The following ANKFN1 variants were observed in gnomAD, a reference collection of about 807,000 sequenced individuals.
ANKFN1 encodes the protein ankyrin repeat and fibronectin type III domain containing 1, also known as ankyrin repeat and fibronectin type-III domain-containing protein 1.
ANKFN1 carries 74 observed loss-of-function variants against 108.7 expected under a neutral mutation model. That is an observed-to-expected ratio of 0.68 (90% CI 0.56 to 0.83). The LOEUF (loss-of-function observed/expected upper bound fraction) is 0.83, where lower values mean the gene tolerates loss of function less well. Ranked by LOEUF, ANKFN1 falls within the 40% of genes least tolerant of loss-of-function variation. ANKFN1 has a pLI of 0.00. For synonymous variants in ANKFN1, 547 were observed against 516.2 expected (o/e 1.06, Z -0.81); for missense variants, 1,505 against 1,382.3 (o/e 1.09, Z -1.41).
chr17:56,093,974 C>G lies in ANKFN1; in HGVS notation c.288+47649C>G, dbSNP rs1905469044. Among the ~76,000 whole-genome samples, 5 of 151,382 alleles carry G rather than the reference C, an allele frequency of 3.3e-5. 1 individual carries two copies. In the South Asian group the frequency reaches 1.0e-3, roughly 32 times the overall value. On this transcript the variant is annotated intron_variant, in intron 4 of 12. Coordinates refer to the ANKFN1 transcript ENST00000635860. ...GTGAAGTAATCGGGTAAGTCCTCAT[C>G]CATTATAATTTCTGTCCTTATAAAA... is the stretch of plus-strand genomic sequence containing the variant.
At chr17:56,062,559 C>CTTTTTTTTTTTTTTTTTTT (rs3085080) in intron 4 of ANKFN1, among the ~76,000 whole-genome samples, 8 of 134,504 alleles carry the variant, frequency 5.9e-5, no homozygotes, top group African/African-American at 2.4e-4. Context: ...GTAATCTCTG[C>CTTTTTTTTTTTTTTTTTTT]TTTTTTTTTT....
intron 9 of ANKFN1, among the ~76,000 whole-genome samples, 163 bp downstream of exon 9, chr17:56,440,587 C>G (rs1335808979): frequency 6.6e-6 from 1 of 152,184 alleles, no homozygotes; most frequent in Non-Finnish European, 1.5e-5. Context: ...CTGAATTTCA[C>G]AAAGGAGTAA....
chr17:56,253,594 A>G (rs1324937921), intron 3 of ANKFN1, among the ~76,000 whole-genome samples: 1 of 152,116 alleles, frequency 6.6e-6, no homozygotes, highest in Non-Finnish European at 1.5e-5. Context: ...AAAAATTAGC[A>G]GGGCATGGTG....
At chr17:56,411,871 G>C (rs2144997193) in intron 8 of ANKFN1, among the ~76,000 whole-genome samples, 1 of 152,246 alleles carries the variant, frequency 6.6e-6, no homozygotes, top group Non-Finnish European at 1.5e-5. Context: ...TTTATAGTGT[G>C]CTGTTGAATT....
At chr17:56,121,231 A>G (rs1322861998) in intron 4 of ANKFN1, among the ~76,000 whole-genome samples, 1 of 151,150 alleles carries the variant, frequency 6.6e-6, no homozygotes, top group Non-Finnish European at 1.5e-5. Flanking sequence ...GGTGTCGCCC[A>G]GGAGTTGTTC....
chr17:56,338,731 T>C (rs1247707069), intron 4 of ANKFN1, among the ~76,000 whole-genome samples: 1 of 152,048 alleles, frequency 6.6e-6, no homozygotes, highest in East Asian at 1.9e-4. Flanking sequence ...GATTACATGA[T>C]GTATTATTCA....
chr17:56,494,584 A>AAAG (rs1473901360), intron 19 of ANKFN1, among the ~76,000 whole-genome samples: 1 of 152,050 alleles, frequency 6.6e-6, no homozygotes, highest in Admixed American at 6.6e-5. Flanking sequence ...TAAAAAATAA[A>AAAG]AAGAAGTCAA....
At chr17:56,447,039 A>G (rs1157521618) in intron 10 of ANKFN1, among the ~76,000 whole-genome samples, 1 of 152,146 alleles carries the variant, frequency 6.6e-6, no homozygotes, top group Non-Finnish European at 1.5e-5. Flanking sequence ...CCTGGCCAGC[A>G]TGGTGAAACC....
At chr17:56,319,977 G>A (rs924035259) in intron 3 of ANKFN1, among the ~76,000 whole-genome samples, 1 of 152,068 alleles carries the variant, frequency 6.6e-6, no homozygotes, top group Non-Finnish European at 1.5e-5. Context: ...GAATGAAGTG[G>A]AAATACCACA....
chr17:56,502,288 G>GC (rs531484694), intron 20 of ANKFN1, among the ~76,000 whole-genome samples: 1 of 152,256 alleles, frequency 6.6e-6, no homozygotes, highest in South Asian at 2.1e-4. Context: ...CCTTCTCTAT[G>GC]CCACAGAAGT....
intron 1 of ANKFN1, among the ~76,000 whole-genome samples, chr17:56,170,775 TA>T (rs1274113270): frequency 4.0e-5 from 2 of 50,290 alleles, no homozygotes; most frequent in Non-Finnish European, 6.3e-5. Context: ...AAAAATTTTT[TA>T]TATATATATA....
At chr17:56,443,865 C>G (rs764101369) in intron 10 of ANKFN1, among the ~76,000 whole-genome samples, 14 of 152,158 alleles carry the variant, frequency 9.2e-5, no homozygotes, top group Non-Finnish European at 1.8e-4. Flanking sequence ...TTTAAAAACA[C>G]TTCATTAATG....
Position 56,499,001 on chromosome 17 carries a change from G to C in ANKFN1, c.2547G>C (p.Gln849His), listed in dbSNP as rs2051286804. The change falls in exon 20 of 21, where the codon CAG (glutamine) becomes CAC (histidine). Residue 849 changes from glutamine (Q) to histidine (H), a missense_variant. Gln to His is a conservative substitution (Grantham distance 24). Transcript: ENST00000682825. Reference sequence around the variant, plus strand: ...AGCTGATAGACCCCTCAGATGAGCAGAGCCTAAAGAAGATCAATTCTACAT... The same window carrying C: ...AGCTGATAGACCCCTCAGATGAGCACAGCCTAAAGAAGATCAATTCTACAT... ...ITKLIDPSDE[Q>H]SLKKINSTSS... 1 of 1,535,616 alleles carries C rather than the reference G, an allele frequency of 6.5e-7. No individual in the cohort carries two copies. Among genetic ancestry groups the C allele is most frequent in the Admixed American group, 2.0e-5 (1 of 50,956 alleles).
At chr17:56,482,763 A>G (rs898602938) in intron 18 of ANKFN1, 1 of 381,294 alleles carries the variant, frequency 2.6e-6, no homozygotes, top group Non-Finnish European at 4.6e-6. Flanking sequence ...AATTCTAAAC[A>G]GAAAGTTCAG....
At chr17:56,342,714 T>C (rs2045990961) in intron 4 of ANKFN1, among the ~76,000 whole-genome samples, 2 of 152,074 alleles carry the variant, frequency 1.3e-5, no homozygotes, top group African/African-American at 2.4e-5. Context: ...TACTTCCAAT[T>C]ATGTGATCAA....
chr17:56,272,182 C>A (rs2043810749), intron 3 of ANKFN1, among the ~76,000 whole-genome samples: 1 of 152,166 alleles, frequency 6.6e-6, no homozygotes, highest in African/African-American at 2.4e-5. Context: ...TTAACCACTT[C>A]AAATGCACCG....
intron 3 of ANKFN1, among the ~76,000 whole-genome samples, chr17:56,242,059 A>G (rs1345640862): frequency 4.6e-5 from 7 of 152,122 alleles, no homozygotes; most frequent in African/African-American, 1.7e-4. Flanking sequence ...TACTCTTGGT[A>G]TACTGTTTGA....
intron 14 of ANKFN1, among the ~76,000 whole-genome samples, chr17:56,460,150 C>T (rs1048419331): frequency 4.6e-5 from 7 of 152,086 alleles, no homozygotes; most frequent in African/African-American, 1.7e-4. Flanking sequence ...AATTTCCTTT[C>T]TCTACTAAAT....
chr17:56,431,357 C>T (rs2048748207), intron 8 of ANKFN1, among the ~76,000 whole-genome samples: 1 of 152,076 alleles, frequency 6.6e-6, no homozygotes, highest in African/African-American at 2.4e-5. Flanking sequence ...GTAAAAGAAG[C>T]TGGTGGATTT....
Sources: allele counts gnomAD v4.1 joint callset (sites outside exome capture counted in the v4.1 genomes callset), GRCh38; gene constraint gnomAD v4.1.1; transcripts MANE v1.5; gene names NCBI Gene and HGNC (gene_info 2026-07-23, HGNC 2026-07-21).